The following INTS9 variants were observed in gnomAD, a reference collection of about 807,000 sequenced individuals.
The protein encoded by INTS9 is integrator complex subunit 9.
Under a neutral mutation model 79.7 loss-of-function variants are expected in INTS9, and 55 were observed. The observed-to-expected ratio is 0.69, with a 90% CI of 0.56 to 0.86. The LOEUF is 0.86. INTS9 is among the 40% of genes least tolerant of loss of function. The probability of loss-of-function intolerance (pLI) is 0.00; values close to 1 mark genes in which losing one functional copy is unlikely to be tolerated. For synonymous variants in INTS9, 319 were observed against 325.2 expected, an observed-to-expected ratio of 0.98 and a Z score of 0.20; for missense variants, 721 against 831.5, an observed-to-expected ratio of 0.87 and a Z score of 1.64.
In INTS9 at chr8:28,848,673, TA is replaced by T. The variant is rs368037057; in HGVS notation, c.198+1539del. ...GAAATTTCAAAGCTTTGCCTGGTCT[TA>T]AATGGGCTATGTAATCTTCTTCCCC... is the stretch of plus-strand genomic sequence containing the variant. On this transcript the variant is annotated intron_variant, in intron 3 of 16. Transcript: ENST00000521022. Among the ~76,000 whole-genome samples, 11 of 152,332 alleles carry T rather than the reference TA, an allele frequency of 7.2e-5. No homozygotes were observed. In the East Asian group the frequency reaches 2.1e-3, roughly 29 times the overall value.
chr8:28,871,313 A>T lies in INTS9; in HGVS notation c.10-11750T>A, dbSNP rs1404444723. Among the ~76,000 whole-genome samples the T allele has an allele frequency of 3.9e-5, 6 of 152,380 alleles. No homozygotes were observed. The East Asian group carries it at 7.7e-4, about 20-fold the overall frequency. ...TTTGATTTTCAGTTTACCTTGGTCC[A>T]TGATAAAATACTTCTTTGAAAATCT... On this transcript the variant is annotated intron_variant, in intron 1 of 16. Transcript: ENST00000521022.
chr8:28,777,254 C>CT (rs140556475), intron 13 of INTS9, among the ~76,000 whole-genome samples: 608 of 152,250 alleles, frequency 4.0e-3, no homozygotes, highest in African/African-American at 0.014. Flanking sequence ...TCCAGTTCCT[C>CT]TCCCGACTCT....
chr8:28,823,239 G>A (rs550304296), intron 6 of INTS9, among the ~76,000 whole-genome samples: 49 of 152,206 alleles, frequency 3.2e-4, no homozygotes, highest in Middle Eastern at 3.2e-3. Context: ...GCAGGTGCAG[G>A]AAGAGCTCTC....
At chr8:28,858,065 G>C (rs1450060011) in intron 2 of INTS9, among the ~76,000 whole-genome samples, 1 of 152,174 alleles carries the variant, frequency 6.6e-6, no homozygotes, top group Non-Finnish European at 1.5e-5. Flanking sequence ...GTAAGGATGA[G>C]AGTGAACAGG....
At position 28,768,239 on chromosome 8, in the gene INTS9, A is replaced by G. The variant is rs1275743316; in HGVS notation, c.1884T>C (p.Ile628=). 1 of 1,614,126 alleles carries G rather than the reference A, an allele frequency of 6.2e-7. No individual in the cohort carries two copies. The highest frequency in any genetic ancestry group is 1.7e-5 in the Admixed American group (1 of 60,022). ...LLQEAETLIQ[I]EEDSTHIICD... ...AGATGATATGGGTCGAGTCTTCTTC[A>G]ATCTGGATGAGCGTCTCAGCCTCCT... Residue 628 remains isoleucine (I), a synonymous_variant, in exon 17 of 17, where the codon ATT becomes ATC. Transcript: ENST00000521022.
rs1465005278 is a variant in INTS9 at position 28,812,187 on chromosome 8, A to G, written c.744+140T>C. 3.6e-6 allele frequency: 3 copies of G among 833,206 alleles called. No homozygotes were observed. The East Asian group carries it at 7.9e-5, about 22-fold the overall frequency. 51.6% of individuals were successfully genotyped at this position (833,206 alleles called of 1,614,324 possible). ...CTGTAGGTCAAAATGTTGAGACTCAAATAGTCTACCTTGGCTAGAGAGTAT... is the reference window on the plus strand; with the variant it reads ...CTGTAGGTCAAAATGTTGAGACTCAGATAGTCTACCTTGGCTAGAGAGTAT... On this transcript the variant is annotated intron_variant, in intron 8 of 16. Coordinates refer to ENST00000521022, the MANE Select transcript of INTS9 (RefSeq NM_018250.4).
chr8:28,878,347 C>G (rs1412358809), intron 1 of INTS9, among the ~76,000 whole-genome samples: 2 of 151,998 alleles, frequency 1.3e-5, no homozygotes, highest in East Asian at 1.9e-4. Context: ...CGGTCTCACT[C>G]TGTTGCTCAG....
chr8:28,801,136 G>C (rs1017538419), intron 8 of INTS9, among the ~76,000 whole-genome samples: 1 of 152,106 alleles, frequency 6.6e-6, no homozygotes, highest in Non-Finnish European at 1.5e-5. Flanking sequence ...AAATTCAGGG[G>C]GAAGAAATCA....
In INTS9 at chr8:28,769,957, A is replaced by G; in HGVS notation, c.1732T>C (p.Cys578Arg). The G allele has an allele frequency of 6.2e-7, 1 of 1,614,222 alleles. No individual in the cohort carries two copies. Among genetic ancestry groups the G allele is most frequent in the Non-Finnish European group, 8.5e-7 (1 of 1,180,028 alleles). The change falls in exon 16 of 17, where the codon TGC (cysteine) becomes CGC (arginine). Residue 578 changes from cysteine to arginine, a missense_variant. Physicochemically the swap from Cys to Arg is radical, Grantham distance 180. Coordinates refer to ENST00000521022, the MANE Select transcript of INTS9 (RefSeq NM_018250.4). ...RKRVSDDVPD[C>R]KVLKPLLSGS... ...CTCAACAAAGGCTTCAGGACTTTGC[A>G]GTCTGGTACGTCATCGCTCACCCGC...
intron 6 of INTS9, among the ~76,000 whole-genome samples, chr8:28,829,166 T>TA (rs1366659795): frequency 6.6e-6 from 1 of 152,220 alleles, no homozygotes; most frequent in Non-Finnish European, 1.5e-5. Context: ...TTATAAAAAA[T>TA]ATTAGTTTTA....
intron 4 of INTS9, among the ~76,000 whole-genome samples, chr8:28,842,584 G>C (rs566875990): frequency 6.6e-6 from 1 of 152,102 alleles, no homozygotes; most frequent in South Asian, 2.1e-4. Flanking sequence ...TCTTGGTCGG[G>C]TCATCTTCTG....
At chr8:28,867,941 T>A (rs1336328562) in intron 1 of INTS9, among the ~76,000 whole-genome samples, 2 of 152,128 alleles carry the variant, frequency 1.3e-5, no homozygotes, top group African/African-American at 4.8e-5. Flanking sequence ...AAATGAGGCA[T>A]AGGAAGTATA....
chr8:28,837,133 G>A (rs2131185302), intron 5 of INTS9, among the ~76,000 whole-genome samples: 1 of 152,276 alleles, frequency 6.6e-6, no homozygotes, highest in East Asian at 1.9e-4. Flanking sequence ...TTTACTCCTA[G>A]ACTGCTCAGT....
At chr8:28,866,125 A>G (rs1808732654) in intron 1 of INTS9, among the ~76,000 whole-genome samples, 1 of 152,188 alleles carries the variant, frequency 6.6e-6, no homozygotes. Flanking sequence ...TATTGAAAAC[A>G]GCATCTTATT....
intron 10 of INTS9, among the ~76,000 whole-genome samples, chr8:28,790,696 T>C (rs1186789269): frequency 6.6e-6 from 1 of 152,200 alleles, no homozygotes; most frequent in Non-Finnish European, 1.5e-5. Context: ...ACCCCAAAAA[T>C]GCAGGCATTA....
chr8:28,769,830 T>C (rs946917733), intron 16 of INTS9, 59 bp downstream of exon 16: 4 of 1,597,044 alleles, frequency 2.5e-6, no homozygotes, highest in Admixed American at 3.4e-5. Context: ...GGGGCCATAG[T>C]GAGCCAGGGA....
intron 8 of INTS9, 82 bp downstream of exon 8, chr8:28,812,245 T>A (rs974318245): frequency 1.7e-5 from 23 of 1,365,182 alleles, no homozygotes; most frequent in Non-Finnish European, 2.3e-5. Flanking sequence ...GATTTAAAAA[T>A]GGCTGATGGT....
chr8:28,879,740 G>GA (rs755164665), intron 1 of INTS9, among the ~76,000 whole-genome samples: 17 of 152,102 alleles, frequency 1.1e-4, no homozygotes, highest in Non-Finnish European at 2.5e-4. Context: ...CAAGAAAAAA[G>GA]AAACAACTGA....
chr8:28,873,979 G>C (rs750655762), intron 1 of INTS9, among the ~76,000 whole-genome samples: 1 of 152,090 alleles, frequency 6.6e-6, no homozygotes, highest in African/African-American at 2.4e-5. Flanking sequence ...TTGCCCCCTG[G>C]TGTATTTGTG....
Sources: allele counts gnomAD v4.1 joint callset (sites outside exome capture counted in the v4.1 genomes callset), GRCh38; gene constraint gnomAD v4.1.1; transcripts MANE v1.5; gene names NCBI Gene and HGNC (gene_info 2026-07-23, HGNC 2026-07-21).